The following MOV10 variants were observed in gnomAD, a reference collection of about 807,000 sequenced individuals.
The protein encoded by MOV10 is Mov10 RNA helicase.
A neutral mutation model predicts 108.4 loss-of-function variants in MOV10; 39 were observed. That is an observed-to-expected ratio of 0.36 (90% confidence interval 0.28 to 0.47). The LOEUF (loss-of-function observed/expected upper bound fraction) is 0.47, where lower values mean the gene tolerates loss of function less well. Among genes scored for constraint, MOV10 ranks in the 20% least tolerant of loss-of-function variants. MOV10 has a pLI of 1.00. For synonymous variants in MOV10, 490 were observed against 523.1 expected, an observed-to-expected ratio of 0.94 and a Z score of 0.86; for missense variants, 952 against 1,297.6, an observed-to-expected ratio of 0.73 and a Z score of 4.09.
intron 2 of MOV10, among the ~76,000 whole-genome samples, chr1:112,679,185 A>T (rs2101252793): frequency 6.6e-6 from 1 of 152,112 alleles, no homozygotes; most frequent in East Asian, 1.9e-4. Context: ...GCCATTGTTC[A>T]CCCAACAAAC....
Position 112,700,222 on chromosome 1 carries a change from C to G in MOV10, c.2802C>G (p.Phe934Leu). 6.2e-7 allele frequency: 1 copy of G among 1,613,980 alleles called. No individual in the cohort carries two copies. The highest frequency in any genetic ancestry group is 8.5e-7 in the Non-Finnish European group (1 of 1,179,888). ...LLGHDPDWKVFLEFCKENGGY... is the reference protein window; with the variant it reads ...LLGHDPDWKVLLEFCKENGGY... ...GGCACTCCTCTGTACCCCACAGATT[C>G]CTGGAGTTCTGTAAAGAAAACGGAG... Residue 934 changes from phenylalanine to leucine, a missense_variant, in exon 20 of 21, where the codon TTC becomes TTG. By Grantham distance (22) the Phe-to-Leu change is conservative. This residue lies in a region of MOV10 where 65 missense variants were observed against 124.3 expected (regional missense o/e 0.52). Transcript: ENST00000369645.
intron 20 of MOV10, 32 bp downstream of exon 20, chr1:112,700,372 G>A: frequency 1.9e-6 from 3 of 1,614,150 alleles, no homozygotes; most frequent in Non-Finnish European, 2.5e-6. Flanking sequence ...GACAGTGCCA[G>A]AGGAGGTGGT....
In MOV10 at chr1:112,694,758, C is replaced by T. The variant is rs1673911133; in HGVS notation, c.1482C>T (p.Asp494=). The T allele has an allele frequency of 6.2e-7, 1 of 1,613,920 alleles. No individual in the cohort carries two copies. The highest frequency in any genetic ancestry group is 1.7e-5 in the Admixed American group (1 of 59,996). The change falls in exon 10 of 21, where the codon GAC becomes GAT. Residue 494 remains aspartate (D), a synonymous_variant. Transcript: ENST00000369645. The surrounding 1 kb of genome is among the most constrained non-coding windows in gnomAD (Gnocchi z 4.1). ...CTGGTCCCTCTGCCAGGCTGTACGA[C>T]CGGAGTCTGGAGTCAAACCCAGAGC... ...LPSDVKLKLY[D]RSLESNPEQL... is the part of the protein sequence containing the mutation.
At chr1:112,689,815 CA>C in intron 4 of MOV10, 24 bp from the exon 5 acceptor site, 1 of 1,609,416 alleles carries the variant, frequency 6.2e-7, no homozygotes, top group Non-Finnish European at 8.5e-7. Context: ...TCCCTACCCC[CA>C]TTCACTCATC....
At position 112,690,147 on chromosome 1, in the gene MOV10, C is replaced by T. The variant is rs771798349; in HGVS notation, c.836+49C>T. The T allele has an allele frequency of 1.3e-5, 20 of 1,596,480 alleles. No homozygotes were observed. The African/African-American group carries it at 1.3e-4, about 11-fold the overall frequency. On this transcript the variant is annotated intron_variant, in intron 5 of 20. Coordinates refer to ENST00000369645, the MANE Select transcript of MOV10 (RefSeq NM_001321324.2). ...CCTGGCTGGGCTCGTATCTCAACCA[C>T]ATGGGCCAGGGCTTTGGGAAGAGCA...
At chr1:112,698,818 G>A (rs1173778990) in intron 17 of MOV10, 29 bp downstream of exon 17, 2 of 1,594,302 alleles carry the variant, frequency 1.3e-6, no homozygotes, top group South Asian at 1.1e-5. Flanking sequence ...GTCACTCCCT[G>A]CCTTCCGTGT....
intron 2 of MOV10, among the ~76,000 whole-genome samples, chr1:112,685,653 C>CAATAAAATAAAATAA (rs141836635): frequency 0.033 from 4,612 of 139,198 alleles, 234 homozygotes; most frequent in Admixed American, 0.13. Context: ...GATTCCGTCT[C>CAATAAAATAAAATAA]AATAAAATAA....
Position 112,680,839 on chromosome 1 carries a change from A to G in MOV10, c.137+5790A>G, listed in dbSNP as rs1045909141. Among the ~76,000 whole-genome samples, 3 of 150,480 alleles carry G rather than the reference A, an allele frequency of 2.0e-5. No homozygotes were observed. The South Asian group carries it at 6.3e-4, about 32-fold the overall frequency. ...TGCCTCAGCCTCCCACGTAGGTGGGATTACAGGCGTGAACCACCATGCCTG... is the reference window on the plus strand; with the variant it reads ...TGCCTCAGCCTCCCACGTAGGTGGGGTTACAGGCGTGAACCACCATGCCTG... On this transcript the variant is annotated intron_variant, in intron 2 of 20. Transcript: ENST00000369645.
intron 7 of MOV10, 109 bp downstream of exon 7, chr1:112,693,038 G>T: frequency 9.3e-7 from 1 of 1,074,882 alleles, no homozygotes; most frequent in South Asian, 1.6e-5. Context: ...AAGTTGAAGT[G>T]GTTCCCAGGG....
chr1:112,681,425 C>T (rs1412146067), intron 2 of MOV10, among the ~76,000 whole-genome samples: 10 of 152,018 alleles, frequency 6.6e-5, no homozygotes, highest in African/African-American at 1.7e-4. Flanking sequence ...ACCCGGGAGG[C>T]GGAAGTTGCA....
chr1:112,695,212 T>A (rs1673960530), intron 10 of MOV10, among the ~76,000 whole-genome samples: 1 of 152,112 alleles, frequency 6.6e-6, no homozygotes. Context: ...AGAGTGAGAC[T>A]CTGTCTCAAA....
In MOV10 at chr1:112,698,096, G is replaced by C. The variant is rs563291816; in HGVS notation, c.2301G>C (p.Ala767=). 2 of 1,613,946 alleles carry C rather than the reference G, an allele frequency of 1.2e-6. No homozygotes were observed. The highest frequency in any genetic ancestry group is 1.7e-6 in the Non-Finnish European group (2 of 1,180,006). ...VVDRERFCRW[A]GLPRQGFPII... The stretch of plus-strand genomic sequence containing the variant: ...ATCGAGAACGCTTCTGCCGCTGGGC[G>C]GGCCTACCTCGACAGGTGAGGCTGA... The change falls in exon 15 of 21, where the codon GCG becomes GCC. Residue 767 remains alanine (A), a synonymous_variant. Transcript: ENST00000369645.
intron 2 of MOV10, among the ~76,000 whole-genome samples, chr1:112,677,151 A>G (rs1672259838): frequency 6.6e-6 from 1 of 152,122 alleles, no homozygotes; most frequent in Non-Finnish European, 1.5e-5. Flanking sequence ...TACATAGAGG[A>G]GGTGGAAAGG....
intron 6 of MOV10, 131 bp downstream of exon 6, chr1:112,691,930 C>T (rs781137677): frequency 1.6e-5 from 15 of 942,592 alleles, no homozygotes; most frequent in Non-Finnish European, 2.0e-5. Flanking sequence ...ACGCACCATA[C>T]ACCAAGCACC....
At chr1:112,692,709 C>G in intron 6 of MOV10, 52 bp from the exon 7 acceptor site, 1 of 1,601,488 alleles carries the variant, frequency 6.2e-7, no homozygotes, top group Non-Finnish European at 8.5e-7. Flanking sequence ...TAGGGGTTGT[C>G]TGGCCCATCC....
In MOV10 at chr1:112,675,496, C is replaced by A. The variant is rs1489724137; in HGVS notation, c.137+447C>A. Among the ~76,000 whole-genome samples the A allele has an allele frequency of 6.6e-6, 1 of 152,238 alleles. No individual in the cohort carries two copies. The highest frequency in any genetic ancestry group is 2.4e-5 in the African/African-American group (1 of 41,470). ...GCGCGGGCTTTACAGGGACCTCTGC[C>A]ACCTTGTTGAGGCGCTGCTGCCTCG... On this transcript the variant is annotated intron_variant, in intron 2 of 20. Coordinates refer to ENST00000369645, the MANE Select transcript of MOV10 (RefSeq NM_001321324.2). The surrounding 1 kb of genome is among the most constrained non-coding windows in gnomAD (Gnocchi z 4.7).
chr1:112,684,262 A>ATTT (rs71084487), intron 2 of MOV10, among the ~76,000 whole-genome samples: 1,068 of 93,786 alleles, frequency 0.011, 7 homozygotes, highest in Non-Finnish European at 0.017. Flanking sequence ...AGTCCCTGGG[A>ATTT]TTTTTTTTTT....
In MOV10 at chr1:112,694,086, G is replaced by A. The variant is rs144753559; in HGVS notation, c.1209G>A (p.Ser403=). Residue 403 remains serine (S), a synonymous_variant, in exon 8 of 21, where the codon TCG becomes TCA. Coordinates refer to ENST00000369645, the MANE Select transcript of MOV10 (RefSeq NM_001321324.2). This position sits in a 1 kb window ranked among gnomAD's most constrained non-coding sequence, Gnocchi z 4.1. ...RGDHLFALLS[S]ETHQEDPITY... ...ACCACCTGTTTGCCCTTTTGTCCTC[G>A]GAGACACACCAGGAGGACCCCATCA... 5.5e-5 allele frequency: 88 copies of A among 1,613,892 alleles called. No homozygotes were observed. The African/African-American group carries it at 9.9e-4, about 18-fold the overall frequency.
At position 112,691,806 on chromosome 1, in the gene MOV10, A is replaced by T; in HGVS notation, c.971+7A>T. Reference sequence around the variant, plus strand: ...AGGAGATCGCAGAGATCAAGTAAGTACCATCCCTCTGCACCCCGCACTCTC... The same window carrying T: ...AGGAGATCGCAGAGATCAAGTAAGTTCCATCCCTCTGCACCCCGCACTCTC... On this transcript the variant is annotated splice_region_variant and intron_variant, in intron 6 of 20. Transcript: ENST00000369645. 6.2e-7 allele frequency: 1 copy of T among 1,611,436 alleles called. No homozygotes were observed. The highest frequency in any genetic ancestry group is 2.2e-5 in the East Asian group (1 of 44,784).
Sources: gnomAD v4.1 joint callset for allele counts (sites outside exome capture counted in the v4.1 genomes callset) on GRCh38, gnomAD v4.1.1 for gene constraint, gnomAD v4.1.1 regional missense constraint, Gnocchi (gnomAD v3.1) non-coding constraint, MANE v1.5 for transcripts, NCBI Gene and HGNC (gene_info 2026-07-23, HGNC 2026-07-21) for gene names.